Variants in SS18 observed in about 807,000 individuals in gnomAD.
The protein encoded by SS18 is protein SSXT.
Under a neutral mutation model 72.5 loss-of-function variants are expected in SS18, and 28 were observed. The ratio of observed to expected loss-of-function variants is 0.39; its 90% CI spans 0.29 to 0.53. The LOEUF (loss-of-function observed/expected upper bound fraction) is 0.53. Among genes scored for constraint, SS18 ranks in the 20% least tolerant of loss-of-function variants. The pLI is 0.76. For missense variants in SS18, 518 were observed against 535.3 expected (o/e 0.97, Z 0.32); for synonymous variants, 172 against 164.2 (o/e 1.05, Z -0.37).
rs146067393 is a variant in SS18 at position 26,071,555 on chromosome 18, G to A, written c.231+6521C>T. 2.4e-3 allele frequency among the ~76,000 whole-genome samples: 367 copies of A among 152,324 alleles called. 3 individuals carry two copies. The highest frequency in any genetic ancestry group is 8.2e-3 in the African/African-American group (339 of 41,572). On this transcript the variant is annotated intron_variant, in intron 3 of 10. Coordinates refer to ENST00000415083, the MANE Select transcript of SS18 (RefSeq NM_001007559.3). ...TCTTCTAAGAATCATGGTGAGCCAGGTGTGGTGGCTCATGCCTACAATCCC... is the reference window on the plus strand; with the variant it reads ...TCTTCTAAGAATCATGGTGAGCCAGATGTGGTGGCTCATGCCTACAATCCC...
At chr18:26,081,472 T>C (rs958205705) in intron 2 of SS18, 1 of 150,886 alleles carries the variant, frequency 6.6e-6, no homozygotes, top group East Asian at 1.9e-4. Flanking sequence ...ATTACAGGCG[T>C]GAGTCACCAC....
At chr18:26,042,240 T>C (rs561361925) in intron 5 of SS18, among the ~76,000 whole-genome samples, 3 of 152,234 alleles carry the variant, frequency 2.0e-5, no homozygotes, top group South Asian at 2.1e-4. Context: ...CAGAGTGAAA[T>C]AGCATTATAA....
intron 5 of SS18, among the ~76,000 whole-genome samples, chr18:26,051,929 T>A (rs1029919915): frequency 6.6e-6 from 1 of 152,258 alleles, no homozygotes; most frequent in African/African-American, 2.4e-5. Flanking sequence ...ATCTAGAAAA[T>A]TTTATTCCAA....
upstream of SS18, chr18:26,090,796 G>A (rs2054714439): frequency 1.0e-5 from 6 of 587,632 alleles, no homozygotes; most frequent in Non-Finnish European, 1.8e-5. Context: ...GAACTTTCTT[G>A]ACCGTCCCTG....
At chr18:26,034,911 T>C in intron 9 of SS18, 94 bp downstream of exon 9, 1 of 1,460,168 alleles carries the variant, frequency 6.8e-7, no homozygotes, top group Non-Finnish European at 9.2e-7. Flanking sequence ...CAAGTGATAA[T>C]TCTTGTAAAA....
At chr18:26,042,165 C>T (rs1158118079) in intron 5 of SS18, among the ~76,000 whole-genome samples, 1 of 152,094 alleles carries the variant, frequency 6.6e-6, no homozygotes, top group East Asian at 1.9e-4. Context: ...TCTTGAGATA[C>T]TAATGAAACT....
At chr18:26,081,810 C>T (rs974914079) in intron 2 of SS18, among the ~76,000 whole-genome samples, 3 of 152,062 alleles carry the variant, frequency 2.0e-5, no homozygotes, top group Non-Finnish European at 4.4e-5. Flanking sequence ...GTAATCCCAG[C>T]ACTTTGGGAG....
chr18:26,042,662 T>G (rs2053750523), intron 5 of SS18, among the ~76,000 whole-genome samples: 1 of 151,962 alleles, frequency 6.6e-6, no homozygotes, highest in Non-Finnish European at 1.5e-5. Flanking sequence ...GAATTTTCTT[T>G]TGAAGAGTAA....
chr18:26,074,183 G>A (rs2144120928), intron 3 of SS18, among the ~76,000 whole-genome samples: 1 of 152,004 alleles, frequency 6.6e-6, no homozygotes, highest in South Asian at 2.1e-4. Context: ...AATCACCAAA[G>A]CATGATGTTA....
intron 3 of SS18, among the ~76,000 whole-genome samples, chr18:26,067,534 A>T (rs2144083265): frequency 6.6e-6 from 1 of 152,304 alleles, no homozygotes; most frequent in Middle Eastern, 3.4e-3. Flanking sequence ...TTCATGGCTC[A>T]TACTCATAAA....
At chr18:26,069,325 A>C (rs1221690149) in intron 3 of SS18, among the ~76,000 whole-genome samples, 1 of 152,000 alleles carries the variant, frequency 6.6e-6, no homozygotes, top group Non-Finnish European at 1.5e-5. Flanking sequence ...GTATCAAATG[A>C]AGCTGACACC....
chr18:26,059,928 T>C (rs1280262307), intron 3 of SS18, among the ~76,000 whole-genome samples: 1 of 152,178 alleles, frequency 6.6e-6, no homozygotes, highest in South Asian at 2.1e-4. Flanking sequence ...TGTATAGAAA[T>C]TGCAACTCTC....
At chr18:26,024,574 C>T (rs970635962) in intron 10 of SS18, among the ~76,000 whole-genome samples, 3 of 152,170 alleles carry the variant, frequency 2.0e-5, no homozygotes, top group South Asian at 2.1e-4. Context: ...GCCTTAGCTT[C>T]CCAAAGTGCT....
intron 2 of SS18, among the ~76,000 whole-genome samples, chr18:26,083,888 C>T (rs1223779762): frequency 6.6e-6 from 1 of 152,010 alleles, no homozygotes; most frequent in African/African-American, 2.4e-5. Context: ...CAAATATATG[C>T]ACAAGATTCA....
chr18:26,032,330 A>T lies in SS18; in HGVS notation c.1230+69T>A, dbSNP rs564838173. The stretch of plus-strand genomic sequence containing the variant: ...TGAGGCTTCAAGTTAAATAAATTTT[A>T]AAAAAAAGTTCACCTAATCGAGAGT... On this transcript the variant is annotated intron_variant, in intron 10 of 10. Transcript: ENST00000415083. The T allele has an allele frequency of 1.4e-4, 210 of 1,545,964 alleles. 1 individual carries two copies. The highest frequency in any genetic ancestry group is 6.5e-4 in the Admixed American group (35 of 54,136).
intron 3 of SS18, among the ~76,000 whole-genome samples, chr18:26,060,514 T>A (rs2054099699): frequency 6.6e-6 from 1 of 152,024 alleles, no homozygotes; most frequent in African/African-American, 2.4e-5. Context: ...CACTGAATTC[T>A]GTACTTTAAA....
At chr18:26,083,581 A>G (rs1189807062) in intron 2 of SS18, among the ~76,000 whole-genome samples, 2 of 152,158 alleles carry the variant, frequency 1.3e-5, no homozygotes, top group Non-Finnish European at 2.9e-5. Context: ...TACTATACTG[A>G]ATACTGTTGG....
At chr18:26,075,703 T>C (rs1013536294) in intron 3 of SS18, among the ~76,000 whole-genome samples, 3 of 151,918 alleles carry the variant, frequency 2.0e-5, no homozygotes, top group African/African-American at 7.2e-5. Flanking sequence ...ACCACTTCTA[T>C]TCAGGAATGT....
At chr18:26,021,238 CT>C (rs1382260731) in intron 10 of SS18, among the ~76,000 whole-genome samples, 1 of 152,214 alleles carries the variant, frequency 6.6e-6, no homozygotes, top group Admixed American at 6.5e-5. Context: ...CACTTAACAG[CT>C]TCTTATCCTT....
Sources: allele counts gnomAD v4.1 joint callset (sites outside exome capture counted in the v4.1 genomes callset), GRCh38; gene constraint gnomAD v4.1.1; transcripts MANE v1.5; gene names NCBI Gene and HGNC (gene_info 2026-07-23, HGNC 2026-07-21).